UNC80: variants seen among roughly 807,000 people sequenced by gnomAD.
UNC80 encodes protein unc-80 homolog.
UNC80 carries 164 observed loss-of-function variants against 384.6 expected under a neutral mutation model. The observed-to-expected ratio is 0.43, with a 90% CI of 0.38 to 0.49. UNC80 has a LOEUF of 0.49. Ranked by LOEUF, UNC80 falls within the 20% of genes least tolerant of loss-of-function variation. UNC80 has a pLI of 0.00. For missense variants in UNC80, 3,330 were observed against 4,143.0 expected (o/e 0.80, Z 5.39); for synonymous variants, 1,486 against 1,527.8 (o/e 0.97, Z 0.64).
At chr2:209,965,990 T>C (rs2092731928) in intron 51 of UNC80, among the ~76,000 whole-genome samples, 1 of 152,086 alleles carries the variant, frequency 6.6e-6, no homozygotes, top group Non-Finnish European at 1.5e-5. Flanking sequence ...CTCCTCTCTT[T>C]AGTAACAATC....
chr2:209,886,580 A>T (rs919721832), intron 25 of UNC80, among the ~76,000 whole-genome samples: 1 of 152,084 alleles, frequency 6.6e-6, no homozygotes, highest in Non-Finnish European at 1.5e-5. Context: ...ATTATATGAG[A>T]TCATTGTGTT....
chr2:209,944,221 AT>A (rs1396777794), intron 45 of UNC80, among the ~76,000 whole-genome samples: 28 of 152,360 alleles, frequency 1.8e-4, no homozygotes, highest in Non-Finnish European at 2.8e-4. Context: ...TATTCAATTC[AT>A]AAAAGAGATG....
intron 39 of UNC80, 53 bp downstream of exon 39, chr2:209,934,058 G>A: frequency 1.4e-6 from 2 of 1,448,272 alleles, no homozygotes. Flanking sequence ...ATTATAAATA[G>A]CCCTTTGAAA....
Position 209,976,390 on chromosome 2 carries a change from C to T in UNC80, c.8772+87C>T. 6.6e-7 allele frequency: 1 copy of T among 1,511,346 alleles called. No homozygotes were observed. Among genetic ancestry groups the T allele is most frequent in the South Asian group, 1.2e-5 (1 of 82,084 alleles). The allele number at this position is 1,511,346 out of a possible 1,614,324, so 93.6% of individuals were successfully genotyped here. On this transcript the variant is annotated intron_variant, in intron 57 of 64. Transcript: ENST00000673920. The surrounding 1 kb of genome is among the most constrained non-coding windows in gnomAD (Gnocchi z 4.3). ...GAGGCAGGAATATGGCAGGAGTGCT[C>T]ATGGTACCTACTGTTGCCAGTTAGT...
chr2:209,789,445 G>C, intron 5 of UNC80, 87 bp from the exon 6 acceptor site: 1 of 879,586 alleles, frequency 1.1e-6, no homozygotes, highest in Non-Finnish European at 1.8e-6. Context: ...TATTAAAATA[G>C]CTTTTCTATT....
At chr2:209,961,176 G>A (rs1233274655) in intron 51 of UNC80, 2 of 152,150 alleles carry the variant, frequency 1.3e-5, no homozygotes, top group Admixed American at 6.6e-5. Flanking sequence ...GGCATTTGGA[G>A]GGAGGGGACA....
In UNC80 at chr2:209,816,799, T is replaced by C. The variant is rs2079773134; in HGVS notation, c.1336-110T>C. 3.0e-6 allele frequency: 3 copies of C among 987,394 alleles called. No homozygotes were observed. In the African/African-American group the frequency reaches 4.9e-5, roughly 16 times the overall value. The allele number at this position is 987,394 out of a possible 1,614,324, so 61.2% of individuals were successfully genotyped here. On this transcript the variant is annotated intron_variant, in intron 9 of 64. Coordinates refer to ENST00000673920, the MANE Select transcript of UNC80 (RefSeq NM_001371986.1). The stretch of plus-strand genomic sequence containing the variant: ...ATATTCAGTGACTTTCTGGGTCTTC[T>C]CTTCCTGGCACATTTCTTGTATTTT...
chr2:209,817,433 G>A (rs1030907884), intron 10 of UNC80, among the ~76,000 whole-genome samples: 5 of 151,858 alleles, frequency 3.3e-5, no homozygotes, highest in Non-Finnish European at 7.4e-5. Flanking sequence ...AATCTACACA[G>A]CAGATTTTTA....
At chr2:209,867,414 G>A (rs1482307311) in intron 22 of UNC80, among the ~76,000 whole-genome samples, 2 of 151,614 alleles carry the variant, frequency 1.3e-5, no homozygotes, top group Non-Finnish European at 1.5e-5. Context: ...TATTTTTGGG[G>A]GCTGGGGGGC....
In UNC80 at chr2:209,813,548, A is replaced by G. The variant is rs193198971; in HGVS notation, c.939-32A>G. ...CTGCCCCTCTGAAAGCTTGATTGTC[A>G]GTATAATTATCTTCTTTCTGCCATG... On this transcript the variant is annotated intron_variant, in intron 7 of 64. Transcript: ENST00000673920. 8,438 of 1,536,222 alleles carry G rather than the reference A, an allele frequency of 5.5e-3. 32 individuals are homozygous for G. Among genetic ancestry groups the G allele is most frequent in the Non-Finnish European group, 6.9e-3 (7,845 of 1,136,372 alleles).
At chr2:209,933,412 T>G (rs960413578) in intron 38 of UNC80, among the ~76,000 whole-genome samples, 3 of 151,952 alleles carry the variant, frequency 2.0e-5, no homozygotes, top group Non-Finnish European at 4.4e-5. Context: ...ACACAAAAAT[T>G]TTGAAGTTCA....
At chr2:209,915,731 T>G (rs1382775117) in intron 31 of UNC80, among the ~76,000 whole-genome samples, 1 of 152,202 alleles carries the variant, frequency 6.6e-6, no homozygotes, top group Non-Finnish European at 1.5e-5. Context: ...AGTGTTTTGT[T>G]GTAGAGGAAG....
chr2:209,874,879 A>T (rs2084639339), intron 23 of UNC80, among the ~76,000 whole-genome samples: 1 of 152,096 alleles, frequency 6.6e-6, no homozygotes, highest in Non-Finnish European at 1.5e-5. Context: ...ACACATTGCC[A>T]CCTACAACCC....
chr2:209,848,771 C>T (rs114734320), intron 21 of UNC80, among the ~76,000 whole-genome samples: 1,948 of 152,170 alleles, frequency 0.013, 45 homozygotes, highest in African/African-American at 0.043. Context: ...AAGGATGTGT[C>T]CCCTGATAGA....
intron 5 of UNC80, among the ~76,000 whole-genome samples, chr2:209,788,731 G>A (rs1193108342): frequency 6.6e-6 from 1 of 150,880 alleles, no homozygotes; most frequent in Non-Finnish European, 1.5e-5. Context: ...TATTACAAAA[G>A]AGTCAAAAAG....
chr2:209,934,761 A>G (rs2124970644), intron 39 of UNC80, among the ~76,000 whole-genome samples: 1 of 152,322 alleles, frequency 6.6e-6, no homozygotes, highest in Middle Eastern at 3.4e-3. Context: ...TATAATTCAT[A>G]CTTCACAATT....
At chr2:209,793,107 T>C (rs1284120237) in intron 6 of UNC80, among the ~76,000 whole-genome samples, 1 of 152,224 alleles carries the variant, frequency 6.6e-6, no homozygotes, top group African/African-American at 2.4e-5. Flanking sequence ...GAATTTCACC[T>C]ATAATGCCTA....
chr2:209,902,423 T>C (rs974945892), intron 28 of UNC80, among the ~76,000 whole-genome samples: 14 of 152,228 alleles, frequency 9.2e-5, no homozygotes, highest in Admixed American at 8.5e-4. Flanking sequence ...GCAGGGTTGT[T>C]GAGGGTTGAT....
At chr2:209,899,025 T>C (rs932814038) in intron 28 of UNC80, among the ~76,000 whole-genome samples, 1 of 152,238 alleles carries the variant, frequency 6.6e-6, no homozygotes, top group Non-Finnish European at 1.5e-5. Context: ...CGTCTGTTGA[T>C]GGACATTTAG....
Sources: gnomAD v4.1 joint callset for allele counts (sites outside exome capture counted in the v4.1 genomes callset) on GRCh38, gnomAD v4.1.1 for gene constraint, Gnocchi (gnomAD v3.1) non-coding constraint, MANE v1.5 for transcripts, NCBI Gene and HGNC (gene_info 2026-07-23, HGNC 2026-07-21) for gene names.